Variants in CTNNA2 observed in about 807,000 individuals in gnomAD.
CTNNA2 encodes the protein catenin alpha 2.
A neutral mutation model predicts 101.0 loss-of-function variants in CTNNA2; 42 were observed. The ratio of observed to expected loss-of-function variants is 0.42; its 90% CI spans 0.32 to 0.54. The LOEUF is 0.54. Among genes scored for constraint, CTNNA2 ranks in the 20% least tolerant of loss-of-function variants. The pLI is 0.14. For missense variants in CTNNA2, 871 were observed against 1,223.1 expected (o/e 0.71, Z 4.29); for synonymous variants, 450 against 456.4 (o/e 0.99, Z 0.18).
intron 8 of CTNNA2, among the ~76,000 whole-genome samples, chr2:80,402,149 T>TTTA (rs1678610844): frequency 6.6e-6 from 1 of 152,154 alleles, no homozygotes; most frequent in Non-Finnish European, 1.5e-5. Context: ...CTTTTACCTA[T>TTTA]TTATTATAAA....
chr2:79,386,875 T>C (rs1678111410), intron 4 of CTNNA2, among the ~76,000 whole-genome samples: 4 of 152,212 alleles, frequency 2.6e-5, no homozygotes, highest in African/African-American at 9.6e-5. Context: ...CACATTCATC[T>C]TGGTTATCTA....
At chr2:80,373,707 G>A (rs932734401) in intron 7 of CTNNA2, among the ~76,000 whole-genome samples, 1 of 152,192 alleles carries the variant, frequency 6.6e-6, no homozygotes, top group Admixed American at 6.5e-5. Flanking sequence ...TCTAGAAGGA[G>A]CTTGAGAAAG....
At chr2:79,703,060 G>C (rs13002542) in intron 2 of CTNNA2, among the ~76,000 whole-genome samples, 49,375 of 152,038 alleles carry the variant, frequency 0.32, 8,492 homozygotes, top group South Asian at 0.39. Flanking sequence ...ATAGAGAACA[G>C]TTGTGTCCAG....
intron 7 of CTNNA2, among the ~76,000 whole-genome samples, chr2:80,199,958 A>G (rs1477957978): frequency 6.6e-6 from 1 of 152,150 alleles, no homozygotes; most frequent in East Asian, 1.9e-4. Flanking sequence ...CCAGGAGCTC[A>G]CCTGACTCTC....
At chr2:80,525,677 G>A (rs1382393985) in intron 9 of CTNNA2, among the ~76,000 whole-genome samples, 1 of 152,110 alleles carries the variant, frequency 6.6e-6, no homozygotes, top group East Asian at 1.9e-4. Context: ...TTATGCTAGG[G>A]TTTTTCTGGA....
intron 4 of CTNNA2, among the ~76,000 whole-genome samples, chr2:79,400,462 A>G (rs1387346794): frequency 6.6e-6 from 1 of 151,988 alleles, no homozygotes; most frequent in African/African-American, 2.4e-5. Flanking sequence ...AATTATTTAA[A>G]ATAATCAAAT....
chr2:80,620,003 T>C (rs1573476994), intron 18 of CTNNA2, among the ~76,000 whole-genome samples: 1 of 151,882 alleles, frequency 6.6e-6, no homozygotes, highest in East Asian at 1.9e-4. Context: ...GCGGGCACTT[T>C]TCTCCACTTC....
At chr2:80,117,949 T>G (rs980034095) in intron 7 of CTNNA2, among the ~76,000 whole-genome samples, 15 of 152,304 alleles carry the variant, frequency 9.8e-5, no homozygotes, top group Non-Finnish European at 8.8e-5. Flanking sequence ...ACTGTTTTTC[T>G]TCATCCTTAT....
chr2:79,415,387 A>G (rs1407106170), intron 4 of CTNNA2, among the ~76,000 whole-genome samples: 1 of 152,172 alleles, frequency 6.6e-6, no homozygotes, highest in Non-Finnish European at 1.5e-5. Flanking sequence ...TGATGAGCCA[A>G]TTAAACCTCT....
At chr2:79,413,496 G>C (rs1233890515) in intron 4 of CTNNA2, among the ~76,000 whole-genome samples, 1 of 151,884 alleles carries the variant, frequency 6.6e-6, no homozygotes, top group Non-Finnish European at 1.5e-5. Flanking sequence ...TTGAATATTA[G>C]TTACTTTGAA....
intron 7 of CTNNA2, among the ~76,000 whole-genome samples, chr2:79,920,614 A>G (rs887489453): frequency 6.6e-6 from 1 of 152,214 alleles, no homozygotes; most frequent in Non-Finnish European, 1.5e-5. Flanking sequence ...GAACCCAATG[A>G]TTGATCTTCT....
intron 7 of CTNNA2, among the ~76,000 whole-genome samples, chr2:80,071,574 T>G (rs962508460): frequency 1.3e-5 from 2 of 150,704 alleles, no homozygotes; most frequent in Non-Finnish European, 2.9e-5. Flanking sequence ...TGAAAACCAC[T>G]TGATGTGTGG....
chr2:80,428,634 G>A (rs1234041290), intron 9 of CTNNA2, among the ~76,000 whole-genome samples: 1 of 152,164 alleles, frequency 6.6e-6, no homozygotes, highest in Non-Finnish European at 1.5e-5. Flanking sequence ...GGCTTCAGTT[G>A]TCTGATAGAT....
intron 7 of CTNNA2, among the ~76,000 whole-genome samples, chr2:80,364,320 A>C (rs1376890048): frequency 6.6e-6 from 1 of 152,162 alleles, no homozygotes; most frequent in African/African-American, 2.4e-5. Context: ...TTCAGAGTTC[A>C]ATAGAAAGGG....
chr2:80,486,054 G>T (rs1686557630), intron 9 of CTNNA2, among the ~76,000 whole-genome samples: 1 of 151,890 alleles, frequency 6.6e-6, no homozygotes, highest in African/African-American at 2.4e-5. Flanking sequence ...AGATGCATTT[G>T]TTCCTAAGTG....
At chr2:79,477,773 C>T (rs938567729) in intron 4 of CTNNA2, among the ~76,000 whole-genome samples, 2 of 152,146 alleles carry the variant, frequency 1.3e-5, no homozygotes, top group African/African-American at 2.4e-5. Flanking sequence ...GAACAGAATA[C>T]GCTAGTTACT....
intron 2 of CTNNA2, among the ~76,000 whole-genome samples, chr2:79,738,099 C>CT (rs1671028235): frequency 6.6e-6 from 1 of 152,160 alleles, no homozygotes; most frequent in Non-Finnish European, 1.5e-5. Context: ...ACTTTTAGGA[C>CT]TTTAGGTCAT....
In CTNNA2 at chr2:80,227,420, G is replaced by A. The variant is rs530177459; in HGVS notation, c.1057-165791G>A. Reference sequence around the variant, plus strand: ...GATGAAGCACTGGAAGCTTGTCCACGTTTGTTCTGACTTCTGCGTTTAGGG... The same window carrying A: ...GATGAAGCACTGGAAGCTTGTCCACATTTGTTCTGACTTCTGCGTTTAGGG... On this transcript the variant is annotated intron_variant, in intron 7 of 18. Coordinates refer to ENST00000402739, the MANE Select transcript of CTNNA2 (RefSeq NM_001282597.3). Among the ~76,000 whole-genome samples, 7 of 152,296 alleles carry A rather than the reference G, an allele frequency of 4.6e-5. No individual in the cohort carries two copies. The South Asian group carries it at 1.0e-3, about 23-fold the overall frequency.
At chr2:79,428,663 AAGCATGCCTC>A (rs1339908393) in intron 4 of CTNNA2, among the ~76,000 whole-genome samples, 1 of 152,174 alleles carries the variant, frequency 6.6e-6, no homozygotes, top group Non-Finnish European at 1.5e-5. Flanking sequence ...GATCTGTGTA[AAGCATGCCTC>A]AGCGTACAGT....
Sources: gnomAD v4.1 joint callset for allele counts (sites outside exome capture counted in the v4.1 genomes callset) on GRCh38, gnomAD v4.1.1 for gene constraint, MANE v1.5 for transcripts, NCBI Gene and HGNC (gene_info 2026-07-23, HGNC 2026-07-21) for gene names.